Variants in ADCY1 observed in about 807,000 individuals in gnomAD.
ADCY1 encodes adenylate cyclase type 1.
Under a neutral mutation model 105.4 loss-of-function variants are expected in ADCY1, and 28 were observed. The ratio of observed to expected loss-of-function variants is 0.27; its 90% CI spans 0.20 to 0.36. ADCY1 has a LOEUF of 0.36. Ranked by LOEUF, ADCY1 falls within the 10% of genes least tolerant of loss-of-function variation. The pLI is 1.00. For missense variants in ADCY1, 977 were observed against 1,434.2 expected, an observed-to-expected ratio of 0.68 and a Z score of 5.15; for synonymous variants, 655 against 623.8, an observed-to-expected ratio of 1.05 and a Z score of -0.75.
At chr7:45,595,797 CTT>C (rs1338171148) in intron 2 of ADCY1, among the ~76,000 whole-genome samples, 1 of 152,264 alleles carries the variant, frequency 6.6e-6, no homozygotes, top group Admixed American at 6.5e-5. Flanking sequence ...CCTTCCCTGA[CTT>C]TACCAAGTAT....
chr7:45,655,656 A>T (rs896364810), intron 5 of ADCY1, among the ~76,000 whole-genome samples: 10 of 152,198 alleles, frequency 6.6e-5, no homozygotes, highest in African/African-American at 2.4e-4. Context: ...GAAAGATTGA[A>T]GATGGAGAGT....
chr7:45,627,642 G>A (rs1397304669), intron 4 of ADCY1, among the ~76,000 whole-genome samples: 2 of 152,196 alleles, frequency 1.3e-5, no homozygotes, highest in Non-Finnish European at 2.9e-5. Flanking sequence ...ATGGCCAGAG[G>A]AGGGGCTGGG....
chr7:45,645,242 A>T (rs1415999641), intron 4 of ADCY1, among the ~76,000 whole-genome samples: 1 of 152,066 alleles, frequency 6.6e-6, no homozygotes, highest in African/African-American at 2.4e-5. Flanking sequence ...CGCCCACACC[A>T]TGCAGTGACG....
In ADCY1 at chr7:45,677,923, A is replaced by G. The variant is rs1336408449; in HGVS notation, c.1660A>G (p.Thr554Ala). ...ACTCAGAAACCGCTCATCTTTTTCT[A>G]CCAACGTTGTCTACACCACCCCGGG... is the stretch of plus-strand genomic sequence containing the variant. ...EKLRNRSSFS[T>A]NVVYTTPGTR... Residue 554 changes from threonine to alanine, a missense_variant, in exon 9 of 20, where the codon ACC becomes GCC. Physicochemically the swap from Thr to Ala is moderately conservative, Grantham distance 58. This residue lies in a region of ADCY1 where 275 missense variants were observed against 362.1 expected (regional missense o/e 0.76). Transcript: ENST00000297323. The G allele has an allele frequency of 7.4e-6, 12 of 1,614,026 alleles. No homozygotes were observed. Among genetic ancestry groups the G allele is most frequent in the African/African-American group, 1.3e-5 (1 of 74,914 alleles).
chr7:45,630,859 C>T (rs904182851), intron 4 of ADCY1, among the ~76,000 whole-genome samples: 2 of 152,050 alleles, frequency 1.3e-5, no homozygotes, highest in African/African-American at 4.8e-5. Flanking sequence ...TTTGCATTTA[C>T]AGATTCCAGA....
chr7:45,588,553 A>C (rs1047675558), intron 1 of ADCY1, among the ~76,000 whole-genome samples: 1 of 152,220 alleles, frequency 6.6e-6, no homozygotes, highest in Non-Finnish European at 1.5e-5. Flanking sequence ...ACACGAGTTC[A>C]TCCTGGTGCC....
In ADCY1 at chr7:45,642,131, A is replaced by G. The variant is rs1219870322; in HGVS notation, c.1021-6539A>G. 5.3e-5 allele frequency among the ~76,000 whole-genome samples: 8 copies of G among 152,060 alleles called. No homozygotes were observed. In the South Asian group the frequency reaches 8.3e-4, roughly 16 times the overall value. ...AGAGGGCATGCATGCCATGCCAAAC[A>G]GGGCCACACAGTGAGCACCCAGGTC... On this transcript the variant is annotated intron_variant, in intron 4 of 19. Transcript: ENST00000297323.
rs1584239476 is a variant in ADCY1, at chr7:45,575,660, C to T, written c.639+478C>T. On this transcript the variant is annotated intron_variant, in intron 1 of 19. Transcript: ENST00000297323. This position sits in a 1 kb window ranked among gnomAD's most constrained non-coding sequence, Gnocchi z 4.7. Reference sequence around the variant, plus strand: ...GGGCTCGCCTCCCAACCCTGCGGACCCGAGGGTGGTATATGGGTGGTGGGA... The same window carrying T: ...GGGCTCGCCTCCCAACCCTGCGGACTCGAGGGTGGTATATGGGTGGTGGGA... Among the ~76,000 whole-genome samples the T allele has an allele frequency of 6.6e-6, 1 of 152,252 alleles. No homozygotes were observed. Among genetic ancestry groups the T allele is most frequent in the Non-Finnish European group, 1.5e-5 (1 of 68,048 alleles).
At chr7:45,712,427 T>TG (rs544963090) in intron 19 of ADCY1, among the ~76,000 whole-genome samples, 116 of 152,094 alleles carry the variant, frequency 7.6e-4, no homozygotes, top group Non-Finnish European at 1.4e-3. Flanking sequence ...AAATCAGATC[T>TG]GGGCCTGCCA....
chr7:45,605,006 C>G (rs993579187), intron 2 of ADCY1, among the ~76,000 whole-genome samples: 1 of 152,058 alleles, frequency 6.6e-6, no homozygotes, highest in African/African-American at 2.4e-5. Context: ...TTTAATCAGT[C>G]TTTTATGGTT....
intron 1 of ADCY1, among the ~76,000 whole-genome samples, chr7:45,585,274 A>G (rs953831309): frequency 6.6e-6 from 1 of 152,222 alleles, no homozygotes; most frequent in Non-Finnish European, 1.5e-5. Context: ...CTGAGGGAAC[A>G]CAGTTTAGGA....
intron 19 of ADCY1, among the ~76,000 whole-genome samples, chr7:45,711,613 A>G (rs1220969155): frequency 3.2e-5 from 1 of 31,180 alleles, no homozygotes; most frequent in African/African-American, 9.2e-5. Flanking sequence ...TGCTGTATAT[A>G]TATATATATA....
intron 18 of ADCY1, among the ~76,000 whole-genome samples, chr7:45,709,044 G>A (rs1785176240): frequency 1.3e-5 from 2 of 152,112 alleles, no homozygotes; most frequent in Admixed American, 1.3e-4. Context: ...ACTAGTCCAG[G>A]ATACAGTTAA....
intron 11 of ADCY1, among the ~76,000 whole-genome samples, chr7:45,681,084 G>T (rs1456804436): frequency 6.6e-6 from 1 of 152,194 alleles, no homozygotes; most frequent in Admixed American, 6.5e-5. Flanking sequence ...GCAGGCTAAG[G>T]GATGTGCTCA....
intron 1 of ADCY1, among the ~76,000 whole-genome samples, chr7:45,590,785 T>G (rs1165398791): frequency 6.6e-6 from 1 of 152,164 alleles, no homozygotes; most frequent in African/African-American, 2.4e-5. Context: ...CTCTGACCCC[T>G]CACAGGTGAC....
At chr7:45,683,174 T>A (rs1413450765) in intron 11 of ADCY1, among the ~76,000 whole-genome samples, 1 of 152,142 alleles carries the variant, frequency 6.6e-6, no homozygotes, top group Non-Finnish European at 1.5e-5. Context: ...TTAGTGAACA[T>A]TCATATGGGA....
rs77043744 is a variant in ADCY1, at chr7:45,677,637, A to C, written c.1606-232A>C. 0.018 allele frequency among the ~76,000 whole-genome samples: 2,794 copies of C among 152,206 alleles called. 37 individuals carry two copies. Among genetic ancestry groups the C allele is most frequent in the Middle Eastern group, 0.048 (14 of 294 alleles). On this transcript the variant is annotated intron_variant, in intron 8 of 19. Transcript: ENST00000297323. ...ATCACCTAATCCTTGCTGCCATGCC[A>C]TCACTCAGGGGCCATAAAACCGCCA...
intron 3 of ADCY1, among the ~76,000 whole-genome samples, chr7:45,619,126 G>C (rs1333843808): frequency 6.6e-6 from 1 of 152,168 alleles, no homozygotes; most frequent in Admixed American, 6.5e-5. Flanking sequence ...GATAAATACT[G>C]CATAGTCTCA....
chr7:45,685,975 C>T lies in ADCY1; in HGVS notation c.2087C>T (p.Pro696Leu), dbSNP rs564193881. Residue 696 changes from proline to leucine, a missense_variant, in exon 13 of 20, where the codon CCT becomes CTT. By Grantham distance (98) the Pro-to-Leu change is moderately conservative (BLOSUM62 -3). Around this residue, in one of 7 missense-constraint regions of ADCY1, gnomAD observed 275 missense variants for 362.1 expected, o/e 0.76. Transcript: ENST00000297323. ...CTCCCTTCCCAGGTGGGCTGCCTGCCTTGGGCCTGGAGCTCCAAGCCCAAC... is the reference window on the plus strand; with the variant it reads ...CTCCCTTCCCAGGTGGGCTGCCTGCTTTGGGCCTGGAGCTCCAAGCCCAAC... ...VAQGCVVGCL[P>L]WAWSSKPNSS... is the part of the protein sequence containing the mutation. 4 of 1,612,966 alleles carry T rather than the reference C, an allele frequency of 2.5e-6. No homozygotes were observed. In the East Asian group the frequency reaches 6.7e-5, roughly 27 times the overall value.
Sources: gnomAD v4.1 joint callset for allele counts (sites outside exome capture counted in the v4.1 genomes callset) on GRCh38, gnomAD v4.1.1 for gene constraint, gnomAD v4.1.1 regional missense constraint, Gnocchi (gnomAD v3.1) non-coding constraint, MANE v1.5 for transcripts, NCBI Gene and HGNC (gene_info 2026-07-23, HGNC 2026-07-21) for gene names.